MFF: variants seen among roughly 807,000 people sequenced by gnomAD.
MFF encodes mitochondrial fission factor, also known as chromosome 2 open reading frame 33.
A neutral mutation model predicts 36.9 loss-of-function variants in MFF; 12 were observed. The ratio of observed to expected loss-of-function variants is 0.33; its 90% CI spans 0.21 to 0.53. The LOEUF (loss-of-function observed/expected upper bound fraction) is 0.53. Among genes scored for constraint, MFF ranks in the 20% least tolerant of loss-of-function variants. The pLI, the probability that MFF is intolerant of heterozygous loss-of-function variation, is 0.95. For synonymous variants in MFF, 99 were observed against 126.2 expected, an observed-to-expected ratio of 0.78 and a Z score of 1.44; for missense variants, 348 against 366.6, an observed-to-expected ratio of 0.95 and a Z score of 0.42.
chr2:227,330,576 G>A (rs1176976402), intron 2 of MFF, 50 bp from the exon 3 acceptor site: 1 of 1,243,804 alleles, frequency 8.0e-7, no homozygotes, highest in East Asian at 2.4e-5. Context: ...CTGCGTAGAG[G>A]AGACTGACAT....
At chr2:227,340,065 C>G (rs961045475) in intron 4 of MFF, among the ~76,000 whole-genome samples, 2 of 151,704 alleles carry the variant, frequency 1.3e-5, no homozygotes, top group African/African-American at 4.9e-5. Context: ...ATAGACATTC[C>G]TGTTTATCTG....
At chr2:227,325,845 C>T (rs1290776682) in intron 1 of MFF, among the ~76,000 whole-genome samples, 1 of 152,174 alleles carries the variant, frequency 6.6e-6, no homozygotes, top group East Asian at 1.9e-4. Flanking sequence ...ACAGGCTGAC[C>T]TTAAACCTGC....
chr2:227,339,436 A>G (rs778603657), intron 4 of MFF, among the ~76,000 whole-genome samples: 1 of 152,214 alleles, frequency 6.6e-6, no homozygotes, highest in Non-Finnish European at 1.5e-5. Context: ...GGCAAAGGAT[A>G]ACTCAACAGC....
intron 4 of MFF, among the ~76,000 whole-genome samples, chr2:227,336,847 A>G (rs1281939801): frequency 1.3e-5 from 2 of 152,242 alleles, no homozygotes; most frequent in African/African-American, 2.4e-5. Flanking sequence ...AATTGATATG[A>G]CAACGCTAAG....
At position 227,343,674 on chromosome 2, in the gene MFF, T is replaced by A. The variant is rs1288419952; in HGVS notation, c.440+3294T>A. On this transcript the variant is annotated intron_variant, in intron 5 of 8. Coordinates refer to ENST00000304593, the MANE Select transcript of MFF (RefSeq NM_001277062.2). ...CACAGGTTGGGAAACATTATTCCTA[T>A]GAAAACTCAAAGAGGTACTTGATTT... 2.0e-5 allele frequency among the ~76,000 whole-genome samples: 3 copies of A among 152,214 alleles called. No individual in the cohort carries two copies. The East Asian group carries it at 5.8e-4, about 29-fold the overall frequency.
intron 7 of MFF, 43 bp downstream of exon 7, chr2:227,352,616 G>A (rs191242943): frequency 9.7e-6 from 14 of 1,447,550 alleles, no homozygotes; most frequent in African/African-American, 6.8e-5. Flanking sequence ...AATGCTTGGC[G>A]GAATTTGTGT....
At chr2:227,325,981 C>T (rs1219054694) in intron 1 of MFF, among the ~76,000 whole-genome samples, 1 of 152,184 alleles carries the variant, frequency 6.6e-6, no homozygotes, top group African/African-American at 2.4e-5. Flanking sequence ...CTGTGAGCAT[C>T]CCTGCTCGCA....
chr2:227,326,356 G>A (rs919438245), intron 1 of MFF, among the ~76,000 whole-genome samples: 1 of 149,274 alleles, frequency 6.7e-6, no homozygotes. Flanking sequence ...CATTTTTTCT[G>A]CCTCAATTCC....
intron 7 of MFF, 61 bp from the exon 8 acceptor site, chr2:227,355,616 C>T (rs969003272): frequency 4.7e-6 from 4 of 844,188 alleles, no homozygotes; most frequent in African/African-American, 3.8e-5. Flanking sequence ...CATGATGTGG[C>T]GTGCCATTTA....
At chr2:227,343,051 G>T (rs1045251674) in intron 5 of MFF, among the ~76,000 whole-genome samples, 3 of 151,902 alleles carry the variant, frequency 2.0e-5, no homozygotes, top group African/African-American at 7.3e-5. Context: ...ATGTGTTGGT[G>T]AAAGGAACCT....
In MFF at chr2:227,352,496, C is replaced by T. The variant is rs186566186; in HGVS notation, c.600-18C>T. 4.8e-5 allele frequency: 71 copies of T among 1,487,144 alleles called. 1 individual carries two copies. The highest frequency in any genetic ancestry group is 4.6e-5 in the East Asian group (2 of 43,798). The allele number at this position is 1,487,144 out of a possible 1,614,324, so 92.1% of individuals were successfully genotyped here. On this transcript the variant is annotated intron_variant, in intron 6 of 8. Transcript: ENST00000304593. The stretch of plus-strand genomic sequence containing the variant: ...CCTGATTCTGTCTTGTGCCTTCTCC[C>T]GCAAAAACCTGCCTTAGACCTGTGT...
chr2:227,336,693 A>T (rs1262117445), intron 4 of MFF, among the ~76,000 whole-genome samples: 2 of 152,210 alleles, frequency 1.3e-5, no homozygotes, highest in Non-Finnish European at 1.5e-5. Context: ...ATCTAGCTAG[A>T]TCCACCCTTA....
At chr2:227,349,336 A>T (rs1429449428) in intron 6 of MFF, among the ~76,000 whole-genome samples, 2 of 152,132 alleles carry the variant, frequency 1.3e-5, no homozygotes, top group African/African-American at 4.8e-5. Flanking sequence ...AAATCGTATT[A>T]GTATAAACTT....
At chr2:227,356,628 G>A (rs540779657) in intron 8 of MFF, among the ~76,000 whole-genome samples, 7 of 152,244 alleles carry the variant, frequency 4.6e-5, no homozygotes, top group Non-Finnish European at 7.4e-5. Context: ...AAGGAGTCCC[G>A]TATTCTTTCT....
chr2:227,326,067 C>G (rs1016577519), intron 1 of MFF, among the ~76,000 whole-genome samples: 5 of 152,034 alleles, frequency 3.3e-5, no homozygotes, highest in Admixed American at 2.6e-4. Context: ...GGTTCCTGTT[C>G]CGCCGAGCTT....
intron 5 of MFF, 155 bp from the exon 6 acceptor site, chr2:227,347,071 A>C (rs2075750613): frequency 3.4e-6 from 2 of 595,148 alleles, no homozygotes; most frequent in African/African-American, 3.7e-5. Flanking sequence ...AACAATTCAA[A>C]ATATTTATTC....
chr2:227,330,570 G>A lies in MFF; in HGVS notation c.-40-56G>A, dbSNP rs139513794. The A allele has an allele frequency of 2.0e-4, 241 of 1,198,466 alleles. 1 individual carries two copies. In the African/African-American group the frequency reaches 2.9e-3, roughly 14 times the overall value. 74.2% of individuals were successfully genotyped at this position (1,198,466 alleles called of 1,614,324 possible). ...AGGTATTGTCTTCTAACTTCACTGC[G>A]TAGAGGAGACTGACATTTTAACAGT... On this transcript the variant is annotated intron_variant, in intron 2 of 8. Transcript: ENST00000304593.
chr2:227,343,610 T>G (rs901749132), intron 5 of MFF, among the ~76,000 whole-genome samples: 1 of 152,186 alleles, frequency 6.6e-6, no homozygotes, highest in African/African-American at 2.4e-5. Flanking sequence ...TTTTACCCTA[T>G]TTTTTGGAAG....
chr2:227,342,147 AT>A (rs888844484), intron 5 of MFF, among the ~76,000 whole-genome samples: 11 of 151,912 alleles, frequency 7.2e-5, no homozygotes, highest in African/African-American at 2.7e-4. Context: ...TGAAAATCTC[AT>A]TTTTGATAGT....
Sources: allele counts gnomAD v4.1 joint callset (sites outside exome capture counted in the v4.1 genomes callset), GRCh38; gene constraint gnomAD v4.1.1; transcripts MANE v1.5; gene names NCBI Gene and HGNC (gene_info 2026-07-23, HGNC 2026-07-21).